Variants in HSD17B4 observed in about 807,000 individuals in gnomAD.
HSD17B4 encodes peroxisomal multifunctional enzyme type 2.
HSD17B4 carries 70 observed loss-of-function variants against 101.0 expected under a neutral mutation model. That is an observed-to-expected ratio of 0.69 (90% CI 0.57 to 0.85). HSD17B4 has a LOEUF of 0.85. Ranked by LOEUF, HSD17B4 falls within the 40% of genes least tolerant of loss-of-function variation. The pLI is 0.00. For missense variants in HSD17B4, 984 were observed against 892.4 expected, an observed-to-expected ratio of 1.10 and a Z score of -1.31; for synonymous variants, 347 against 297.1, an observed-to-expected ratio of 1.17 and a Z score of -1.73.
At chr5:119,483,964 A>G (rs1749376002) in intron 8 of HSD17B4, among the ~76,000 whole-genome samples, 1 of 152,276 alleles carries the variant, frequency 6.6e-6, no homozygotes, top group South Asian at 2.1e-4. Context: ...TATTCCACTA[A>G]GGATCCAAAC....
At chr5:119,485,465 A>G (rs1749534279) in intron 8 of HSD17B4, among the ~76,000 whole-genome samples, 1 of 152,284 alleles carries the variant, frequency 6.6e-6, no homozygotes, top group East Asian at 1.9e-4. Context: ...TAAGAAAGTT[A>G]TAGATCATTT....
chr5:119,537,688 T>C (rs1754647223), intron 23 of HSD17B4, among the ~76,000 whole-genome samples: 1 of 152,176 alleles, frequency 6.6e-6, no homozygotes, highest in Non-Finnish European at 1.5e-5. Flanking sequence ...TATTTTAGGC[T>C]TTGTGGGCAA....
chr5:119,539,592 TAAA>T (rs991557410), intron 23 of HSD17B4, among the ~76,000 whole-genome samples: 4 of 150,298 alleles, frequency 2.7e-5, no homozygotes, highest in Non-Finnish European at 4.4e-5. Flanking sequence ...ATAATAATAA[TAAA>T]AAAGAAGAAG....
At chr5:119,494,779 A>G (rs1750477800) in intron 11 of HSD17B4, among the ~76,000 whole-genome samples, 1 of 152,132 alleles carries the variant, frequency 6.6e-6, no homozygotes, top group Non-Finnish European at 1.5e-5. Context: ...CATAGTGCTG[A>G]ACTCATAGAA....
At chr5:119,455,044 A>G (rs1754469502) in intron 1 of HSD17B4, among the ~76,000 whole-genome samples, 1 of 152,256 alleles carries the variant, frequency 6.6e-6, no homozygotes, top group South Asian at 2.1e-4. Context: ...AATGAAATTT[A>G]TCAATTAACT....
intron 2 of HSD17B4, among the ~76,000 whole-genome samples, chr5:119,459,680 C>T (rs1477959995): frequency 6.6e-6 from 1 of 152,150 alleles, no homozygotes. Flanking sequence ...CGAGATGGCA[C>T]AGGGCGTCAC....
intron 1 of HSD17B4, 140 bp downstream of exon 1, chr5:119,452,773 C>A: frequency 6.4e-7 from 1 of 1,563,600 alleles, no homozygotes; most frequent in East Asian, 2.4e-5. Flanking sequence ...CTTGAGGCAC[C>A]GCATCTCTTG....
intron 1 of HSD17B4, among the ~76,000 whole-genome samples, chr5:119,455,273 C>G (rs1754497012): frequency 6.6e-6 from 1 of 152,156 alleles, no homozygotes; most frequent in South Asian, 2.1e-4. Flanking sequence ...AATCCCAGCA[C>G]TTTGGGAGGC....
At chr5:119,503,284 G>T (rs560949910) in intron 14 of HSD17B4, among the ~76,000 whole-genome samples, 1 of 152,140 alleles carries the variant, frequency 6.6e-6, no homozygotes, top group African/African-American at 2.4e-5. Flanking sequence ...TTTAAAATAC[G>T]AAAAGAGAGA....
chr5:119,470,194 G>GTTT (rs1018940252), intron 2 of HSD17B4, among the ~76,000 whole-genome samples: 2 of 146,450 alleles, frequency 1.4e-5, no homozygotes, highest in African/African-American at 5.0e-5. Flanking sequence ...TTGAATGTCT[G>GTTT]TTTTTTTTTT....
chr5:119,496,540 T>A lies in HSD17B4; in HGVS notation c.869-3T>A. The A allele has an allele frequency of 6.7e-7, 1 of 1,482,898 alleles. No homozygotes were observed. Among genetic ancestry groups the A allele is most frequent in the Non-Finnish European group, 9.4e-7 (1 of 1,061,000 alleles). The allele number at this position is 1,482,898 out of a possible 1,614,324, so 91.9% of individuals were successfully genotyped here. A position where few individuals can be genotyped will look rare whatever the true frequency, so the allele number is the denominator to read the frequency against. On this transcript the variant is annotated splice_polypyrimidine_tract_variant and splice_region_variant and intron_variant, in intron 11 of 23. Transcript: ENST00000510025. ...TTTTTTTGTTTTTCATTTTTCATTTTAGAATCAACTGGCAGTATAATTGAA... is the reference window on the plus strand; with the variant it reads ...TTTTTTTGTTTTTCATTTTTCATTTAAGAATCAACTGGCAGTATAATTGAA...
intron 16 of HSD17B4, among the ~76,000 whole-genome samples, chr5:119,513,551 T>G (rs966995709): frequency 6.6e-6 from 1 of 152,090 alleles, no homozygotes; most frequent in Non-Finnish European, 1.5e-5. Flanking sequence ...ACCTGGCTAA[T>G]TTTTGTATTT....
At chr5:119,493,336 G>A (rs1407986912) in intron 10 of HSD17B4, 2 of 160,052 alleles carry the variant, frequency 1.2e-5, no homozygotes, top group Non-Finnish European at 2.7e-5. Flanking sequence ...GAAGGTAAGG[G>A]AGAATTATTT....
chr5:119,516,235 G>A (rs1752603566), intron 17 of HSD17B4, among the ~76,000 whole-genome samples: 1 of 152,038 alleles, frequency 6.6e-6, no homozygotes, highest in Non-Finnish European at 1.5e-5. Flanking sequence ...TCTTAAGAAT[G>A]TGCTCATATT....
At position 119,485,169 on chromosome 5, in the gene HSD17B4, G is replaced by A. The variant is rs540020308; in HGVS notation, c.623-4023G>A. 3.3e-5 allele frequency among the ~76,000 whole-genome samples: 5 copies of A among 152,202 alleles called. No individual in the cohort carries two copies. The East Asian group carries it at 9.7e-4, about 29-fold the overall frequency. On this transcript the variant is annotated intron_variant, in intron 8 of 23. Transcript: ENST00000510025. ...CAAACCACTAGTTAGAATTTGTGCT[G>A]ATCATCCCTTTGTTAGATTTTTACC...
rs778002222 is a variant in HSD17B4, at chr5:119,488,870, G to T, written c.623-322G>T. Among the ~76,000 whole-genome samples the T allele has an allele frequency of 5.9e-4, 90 of 152,202 alleles. 3 individuals are homozygous for T. The highest frequency in any genetic ancestry group is 4.1e-4 in the South Asian group (2 of 4,828). On this transcript the variant is annotated intron_variant, in intron 8 of 23. Coordinates refer to ENST00000510025, the MANE Select transcript of HSD17B4 (RefSeq NM_000414.4). ...TAATTTTGGGAATGAATGGTACCCA[G>T]ATTTCTCATGTTAAATACAGTTTTG...
At chr5:119,479,359 C>T (rs1748901432) in intron 8 of HSD17B4, among the ~76,000 whole-genome samples, 1 of 151,964 alleles carries the variant, frequency 6.6e-6, no homozygotes, top group Admixed American at 6.6e-5. Flanking sequence ...TCTAGATTTA[C>T]AGAAAAATTG....
chr5:119,487,692 T>C (rs376048770), intron 8 of HSD17B4, among the ~76,000 whole-genome samples: 2 of 152,168 alleles, frequency 1.3e-5, no homozygotes, highest in African/African-American at 4.8e-5. Flanking sequence ...TTGCATTTTA[T>C]AGATATGTTT....
chr5:119,508,163 C>G (rs1319291939), intron 15 of HSD17B4, among the ~76,000 whole-genome samples: 2 of 150,950 alleles, frequency 1.3e-5, no homozygotes, highest in African/African-American at 4.9e-5. Context: ...AGATGTTGGC[C>G]AACACTTGGC....
Sources: gnomAD v4.1 joint callset for allele counts (sites outside exome capture counted in the v4.1 genomes callset) on GRCh38, gnomAD v4.1.1 for gene constraint, MANE v1.5 for transcripts, NCBI Gene and HGNC (gene_info 2026-07-23, HGNC 2026-07-21) for gene names.